Variants in HMGXB3 observed in about 807,000 individuals in gnomAD.
HMGXB3 encodes the protein HMG-box containing 3.
A neutral mutation model predicts 121.5 loss-of-function variants in HMGXB3; 45 were observed. The observed-to-expected ratio is 0.37, with a 90% confidence interval of 0.29 to 0.47. The LOEUF is 0.47. Among genes scored for constraint, HMGXB3 ranks in the 20% least tolerant of loss-of-function variants. The pLI is 0.99. For missense variants in HMGXB3, 1,376 were observed against 1,602.2 expected, an observed-to-expected ratio of 0.86 and a Z score of 2.41; for synonymous variants, 590 against 624.1, an observed-to-expected ratio of 0.95 and a Z score of 0.81.
chr5:150,002,028 C>T (rs1379308376), intron 1 of HMGXB3, among the ~76,000 whole-genome samples: 1 of 152,222 alleles, frequency 6.6e-6, no homozygotes, highest in African/African-American at 2.4e-5. Flanking sequence ...AGACTGTGTT[C>T]TCTTCCTGGG....
intron 5 of HMGXB3, among the ~76,000 whole-genome samples, chr5:150,014,473 A>G (rs906638792): frequency 1.3e-5 from 2 of 152,250 alleles, no homozygotes; most frequent in Non-Finnish European, 2.9e-5. Context: ...TTCGATAGGT[A>G]CAGTAGCACT....
At chr5:150,046,828 T>A (rs1205419849) in intron 16 of HMGXB3, among the ~76,000 whole-genome samples, 2 of 150,788 alleles carry the variant, frequency 1.3e-5, no homozygotes, top group African/African-American at 4.9e-5. Context: ...AATAAATAAA[T>A]AAAAATAAAA....
chr5:150,021,722 T>C (rs549109794), intron 6 of HMGXB3: 35 of 510,238 alleles, frequency 6.9e-5, no homozygotes, highest in South Asian at 4.4e-4. Context: ...TGACCACAAG[T>C]TTTTCTTGTA....
In HMGXB3 at chr5:150,040,897, C is replaced by T. The variant is rs773190257; in HGVS notation, c.2545+18C>T. 1 of 1,540,332 alleles carries T rather than the reference C, an allele frequency of 6.5e-7. No individual in the cohort carries two copies. The highest frequency in any genetic ancestry group is 8.8e-7 in the Non-Finnish European group (1 of 1,142,706). On this transcript the variant is annotated intron_variant, in intron 14 of 19. Transcript: ENST00000502717. ...GCAGACAGGTAAAAGTTGTTTTCTT[C>T]CCTTTCCCAAGGTTAGTCCTAAGCT... is the stretch of plus-strand genomic sequence containing the variant.
intron 17 of HMGXB3, among the ~76,000 whole-genome samples, chr5:150,048,134 A>G (rs999029141): frequency 6.6e-6 from 1 of 152,268 alleles, no homozygotes; most frequent in Non-Finnish European, 1.5e-5. Flanking sequence ...GTGTCTGGTT[A>G]CTACCTATGC....
chr5:150,009,143 A>G (rs1181185043), intron 3 of HMGXB3, among the ~76,000 whole-genome samples: 2 of 152,186 alleles, frequency 1.3e-5, no homozygotes, highest in East Asian at 3.8e-4. Context: ...AAAATAAAAC[A>G]TAAATGACTT....
In HMGXB3 at chr5:150,052,068, TAC is replaced by T; in HGVS notation, c.3757_3758del (p.Gln1253GlufsTer6). 2 of 1,551,924 alleles carry T rather than the reference TAC, an allele frequency of 1.3e-6. No homozygotes were observed. The highest frequency in any genetic ancestry group is 1.7e-6 in the Non-Finnish European group (2 of 1,147,046). On this transcript the variant is annotated frameshift_variant, in exon 20 of 20. Coordinates refer to ENST00000502717, the MANE Select transcript of HMGXB3 (RefSeq NM_014983.3). LOFTEE classifies it high-confidence loss of function. Reference sequence around the variant, plus strand: ...GTCAATCGTCAGATCCATGACATTGTACAGAGCTGCCAGCCTGGTGAGGTGGT... The same window carrying T: ...GTCAATCGTCAGATCCATGACATTGTAGAGCTGCCAGCCTGGTGAGGTGGT...
intron 15 of HMGXB3, among the ~76,000 whole-genome samples, chr5:150,043,160 AGTT>A (rs1162776423): frequency 2.0e-5 from 3 of 152,346 alleles, no homozygotes; most frequent in African/African-American, 4.8e-5. Context: ...GGGAAAAAAA[AGTT>A]GTCCAGTATG....
chr5:150,030,641 A>G, intron 9 of HMGXB3, 100 bp from the exon 10 acceptor site: 1 of 889,148 alleles, frequency 1.1e-6, no homozygotes, highest in Non-Finnish European at 1.8e-6. Flanking sequence ...TAGCTCTACA[A>G]ATTCCCCGGG....
At chr5:150,046,551 G>C (rs1457650222) in intron 16 of HMGXB3, among the ~76,000 whole-genome samples, 1 of 152,156 alleles carries the variant, frequency 6.6e-6, no homozygotes, top group Non-Finnish European at 1.5e-5. Context: ...GGTGGCTCAC[G>C]CCTGTAATCC....
chr5:150,049,410 A>ACC (rs60226767), intron 18 of HMGXB3, among the ~76,000 whole-genome samples: 114 of 149,048 alleles, frequency 7.6e-4, no homozygotes, highest in South Asian at 1.9e-3. Flanking sequence ...TGGAACGGAA[A>ACC]CCCCCCCCCT....
intron 11 of HMGXB3, among the ~76,000 whole-genome samples, chr5:150,035,681 G>C (rs1478110214): frequency 6.6e-6 from 1 of 152,096 alleles, no homozygotes; most frequent in Non-Finnish European, 1.5e-5. Flanking sequence ...CTGCAGTCAA[G>C]GGGTGCACTC....
chr5:150,016,204 G>A (rs1755955853), intron 5 of HMGXB3, among the ~76,000 whole-genome samples: 1 of 152,132 alleles, frequency 6.6e-6, no homozygotes, highest in African/African-American at 2.4e-5. Flanking sequence ...ATAGTTGGGT[G>A]TGGTGGTACA....
intron 1 of HMGXB3, among the ~76,000 whole-genome samples, chr5:150,004,114 C>T (rs1366274809): frequency 6.6e-6 from 1 of 151,786 alleles, no homozygotes. Context: ...CCTCAAGCAA[C>T]CCTCCCATCT....
chr5:150,031,609 G>C (rs114645806), intron 10 of HMGXB3, among the ~76,000 whole-genome samples: 150 of 152,368 alleles, frequency 9.8e-4, no homozygotes, highest in African/African-American at 3.4e-3. Context: ...GTATCAACCA[G>C]CAAGATGTCT....
chr5:150,047,584 G>A, intron 16 of HMGXB3, 40 bp from the exon 17 acceptor site: 1 of 1,550,078 alleles, frequency 6.5e-7, no homozygotes, highest in Non-Finnish European at 8.7e-7. Context: ...TCTGGTGACT[G>A]GCGGCAGCAC....
chr5:150,038,329 A>G (rs1448129630), intron 13 of HMGXB3, among the ~76,000 whole-genome samples: 2 of 152,140 alleles, frequency 1.3e-5, no homozygotes, highest in South Asian at 2.1e-4. Flanking sequence ...CATGTTTTTA[A>G]TGTCTTATAT....
chr5:150,023,454 T>TG (rs1561864273), intron 6 of HMGXB3, among the ~76,000 whole-genome samples: 4 of 152,230 alleles, frequency 2.6e-5, no homozygotes, highest in Admixed American at 6.5e-5. Context: ...TTATGTTTCC[T>TG]AGTTTACAGT....
intron 3 of HMGXB3, among the ~76,000 whole-genome samples, chr5:150,007,221 G>A (rs1755723826): frequency 1.3e-5 from 2 of 152,188 alleles, no homozygotes; most frequent in South Asian, 4.1e-4. Flanking sequence ...TGGGTTAAAG[G>A]ACTAACAAGG....
Sources: allele counts gnomAD v4.1 joint callset (sites outside exome capture counted in the v4.1 genomes callset), GRCh38; gene constraint gnomAD v4.1.1; transcripts MANE v1.5; gene names NCBI Gene and HGNC (gene_info 2026-07-23, HGNC 2026-07-21).